Variants in RTN1 observed in about 807,000 individuals in gnomAD.
RTN1 encodes the protein reticulon-1.
Under a neutral mutation model 65.5 loss-of-function variants are expected in RTN1, and 25 were observed. The observed-to-expected ratio is 0.38, with a 90% CI of 0.28 to 0.53. The LOEUF (loss-of-function observed/expected upper bound fraction) is 0.53, where lower values mean the gene tolerates loss of function less well. Ranked by LOEUF, RTN1 falls within the 20% of genes least tolerant of loss-of-function variation. The pLI, the probability that RTN1 is intolerant of heterozygous loss-of-function variation, is 0.79. For synonymous variants in RTN1, 471 were observed against 447.6 expected, an observed-to-expected ratio of 1.05 and a Z score of -0.66; for missense variants, 983 against 1,025.4, an observed-to-expected ratio of 0.96 and a Z score of 0.57.
chr14:59,843,276 T>C (rs777138665), intron 1 of RTN1, among the ~76,000 whole-genome samples: 5 of 152,202 alleles, frequency 3.3e-5, no homozygotes, highest in Non-Finnish European at 7.4e-5. Flanking sequence ...TCTGTGGTGA[T>C]AGAAGCCAGA....
chr14:59,857,346 T>C (rs1022451356), intron 1 of RTN1, among the ~76,000 whole-genome samples: 1 of 152,210 alleles, frequency 6.6e-6, no homozygotes, highest in African/African-American at 2.4e-5. Flanking sequence ...TTTCTTTATC[T>C]ACAGTTGCCA....
intron 1 of RTN1, among the ~76,000 whole-genome samples, chr14:59,830,136 A>G (rs767627414): frequency 9.2e-5 from 14 of 152,226 alleles, no homozygotes; most frequent in Non-Finnish European, 2.1e-4. Context: ...GCCCACCAGC[A>G]GCACCCTGCT....
intron 1 of RTN1, among the ~76,000 whole-genome samples, chr14:59,786,495 A>T (rs527883937): frequency 6.6e-6 from 1 of 152,306 alleles, no homozygotes; most frequent in South Asian, 2.1e-4. Context: ...TGGCTCATGG[A>T]CACCCAGTAC....
chr14:59,816,392 G>T lies in RTN1; in HGVS notation c.241+53998C>A, dbSNP rs752837412. Among the ~76,000 whole-genome samples, 3 of 152,126 alleles carry T rather than the reference G, an allele frequency of 2.0e-5. No individual in the cohort carries two copies. Among genetic ancestry groups the T allele is most frequent in the Non-Finnish European group, 4.4e-5 (3 of 68,030 alleles). On this transcript the variant is annotated intron_variant, in intron 1 of 8. Coordinates refer to ENST00000267484, the MANE Select transcript of RTN1 (RefSeq NM_021136.3). This position sits in a 1 kb window ranked among gnomAD's most constrained non-coding sequence, Gnocchi z 4.3. The stretch of plus-strand genomic sequence containing the variant: ...CTACAGTTGACCATATGGTAACAAG[G>T]CTAATTGCCTGCCTTCTCCAATCCT...
rs1054572297 is a variant in RTN1, at chr14:59,710,219, CTT to C, written c.1765+16698_1765+16699del. Among the ~76,000 whole-genome samples, 4 of 140,798 alleles carry C rather than the reference CTT, an allele frequency of 2.8e-5. No homozygotes were observed. The East Asian group carries it at 7.9e-4, about 28-fold the overall frequency. The allele number at this position is 140,798 out of a possible 152,430, so 92.4% of individuals were successfully genotyped here. On this transcript the variant is annotated intron_variant, in intron 3 of 8. Transcript: ENST00000267484. The stretch of plus-strand genomic sequence containing the variant: ...CACCATACCTGGCCAATTTTTGTAT[CTT>C]TTTTTTGTAAAGATGGGGTTTTGTC...
intron 3 of RTN1, among the ~76,000 whole-genome samples, chr14:59,614,319 T>G (rs1002724663): frequency 2.6e-5 from 4 of 152,126 alleles, no homozygotes; most frequent in African/African-American, 9.7e-5. Flanking sequence ...GCCCTGCTCC[T>G]CCAAGGGCTC....
intron 1 of RTN1, among the ~76,000 whole-genome samples, chr14:59,861,160 CT>C (rs1286479037): frequency 1.3e-5 from 2 of 152,184 alleles, no homozygotes; most frequent in African/African-American, 4.8e-5. Context: ...CAAATTTCAT[CT>C]TGAATTCCCA....
At position 59,837,576 on chromosome 14, in the gene RTN1, A is replaced by G. The variant is rs1887235435; in HGVS notation, c.241+32814T>C. On this transcript the variant is annotated intron_variant, in intron 1 of 8. Transcript: ENST00000267484. ...TATCCTTAAAATGTAAAGAACTTTTATCAAGAGAAACACTCCAATAGAAAT... is the reference window on the plus strand; with the variant it reads ...TATCCTTAAAATGTAAAGAACTTTTGTCAAGAGAAACACTCCAATAGAAAT... 2.6e-5 allele frequency among the ~76,000 whole-genome samples: 4 copies of G among 152,218 alleles called. No individual in the cohort carries two copies. The South Asian group carries it at 8.3e-4, about 32-fold the overall frequency.
chr14:59,791,677 T>A (rs1453789289), intron 1 of RTN1, among the ~76,000 whole-genome samples: 1 of 152,194 alleles, frequency 6.6e-6, no homozygotes, highest in Admixed American at 6.5e-5. Context: ...GAACTCTCCA[T>A]GTACCACTTC....
At chr14:59,815,326 C>G (rs191504620) in intron 1 of RTN1, among the ~76,000 whole-genome samples, 3 of 152,298 alleles carry the variant, frequency 2.0e-5, no homozygotes, top group African/African-American at 7.2e-5. Context: ...GGACCCACAG[C>G]ACACAGTGCA....
At chr14:59,652,073 A>G (rs1883031329) in intron 3 of RTN1, among the ~76,000 whole-genome samples, 1 of 152,212 alleles carries the variant, frequency 6.6e-6, no homozygotes, top group African/African-American at 2.4e-5. Flanking sequence ...AAGCATATGA[A>G]AAAAAACCTC....
At chr14:59,613,011 C>T (rs1882000037) in intron 3 of RTN1, among the ~76,000 whole-genome samples, 1 of 152,112 alleles carries the variant, frequency 6.6e-6, no homozygotes, top group African/African-American at 2.4e-5. Context: ...GTAATTTTGC[C>T]ATTTATTGAG....
At chr14:59,717,313 T>G (rs1049909553) in intron 3 of RTN1, among the ~76,000 whole-genome samples, 3 of 152,052 alleles carry the variant, frequency 2.0e-5, no homozygotes, top group African/African-American at 7.2e-5. Flanking sequence ...AAGGGAAGAG[T>G]TAAGCCAGAA....
chr14:59,857,344 T>C lies in RTN1; in HGVS notation c.241+13046A>G, dbSNP rs1176262964. On this transcript the variant is annotated intron_variant, in intron 1 of 8. Coordinates refer to ENST00000267484, the MANE Select transcript of RTN1 (RefSeq NM_021136.3). ...GTCACCTACAAAATCCATTTCTTTA[T>C]CTACAGTTGCCAAGTAGAAATTTCC... 9.2e-5 allele frequency among the ~76,000 whole-genome samples: 14 copies of C among 152,322 alleles called. No individual in the cohort carries two copies. In the East Asian group the frequency reaches 2.7e-3, roughly 29 times the overall value.
At chr14:59,712,147 A>G (rs1027453250) in intron 3 of RTN1, among the ~76,000 whole-genome samples, 3 of 152,228 alleles carry the variant, frequency 2.0e-5, no homozygotes, top group African/African-American at 7.2e-5. Flanking sequence ...TTACTGTAGT[A>G]TGGCCTAACA....
At chr14:59,741,512 C>T (rs1186316565) in intron 2 of RTN1, among the ~76,000 whole-genome samples, 4 of 152,154 alleles carry the variant, frequency 2.6e-5, no homozygotes, top group Admixed American at 6.5e-5. Flanking sequence ...ATCACTCACT[C>T]GTGAGTCCTG....
intron 3 of RTN1, among the ~76,000 whole-genome samples, chr14:59,632,580 A>G (rs1882577088): frequency 1.9e-5 from 1 of 53,744 alleles, no homozygotes; most frequent in Non-Finnish European, 4.1e-5. Flanking sequence ...AGCCCCAGTT[A>G]TCATTCCCTA....
At chr14:59,812,318 A>G (rs938965269) in intron 1 of RTN1, among the ~76,000 whole-genome samples, 1 of 152,196 alleles carries the variant, frequency 6.6e-6, no homozygotes, top group South Asian at 2.1e-4. Flanking sequence ...TTTTTTTAAA[A>G]AGGTAGAAAT....
Position 59,596,676 on chromosome 14 carries a change from T to G in RTN1, c.*69A>C. On this transcript the variant is annotated 3_prime_UTR_variant, in exon 9 of 9. Transcript: ENST00000267484. ...GGGAAAGACAATCAATTTGCAGTAA[T>G]GAGTAAGAAGAGAGCTGTTACCACT... is the stretch of plus-strand genomic sequence containing the variant. 8.7e-7 allele frequency: 1 copy of G among 1,150,404 alleles called. No homozygotes were observed. Among genetic ancestry groups the G allele is most frequent in the Non-Finnish European group, 1.3e-6 (1 of 757,676 alleles). 71.3% of individuals were successfully genotyped at this position (1,150,404 alleles called of 1,614,324 possible). A position where few individuals can be genotyped will look rare whatever the true frequency, so the allele number is the denominator to read the frequency against.
Sources: allele counts gnomAD v4.1 joint callset (sites outside exome capture counted in the v4.1 genomes callset), GRCh38; gene constraint gnomAD v4.1.1; non-coding constraint Gnocchi (gnomAD v3.1); transcripts MANE v1.5; gene names NCBI Gene and HGNC (gene_info 2026-07-23, HGNC 2026-07-21).